Variants in UCHL3 observed in about 807,000 individuals in gnomAD.
UCHL3 encodes the protein ubiquitin C-terminal hydrolase L3.
Under a neutral mutation model 35.8 loss-of-function variants are expected in UCHL3, and 22 were observed. The observed-to-expected ratio is 0.61, with a 90% confidence interval of 0.44 to 0.88. The LOEUF (loss-of-function observed/expected upper bound fraction) is 0.88, where lower values mean the gene tolerates loss of function less well. Ranked by LOEUF, UCHL3 falls within the 40% of genes least tolerant of loss-of-function variation. The pLI is 0.00. For synonymous variants in UCHL3, 90 were observed against 92.8 expected (o/e 0.97, Z 0.17); for missense variants, 229 against 276.9 (o/e 0.83, Z 1.23).
At chr13:75,562,585 C>G (rs1319519064) in intron 3 of UCHL3, among the ~76,000 whole-genome samples, 1 of 151,776 alleles carries the variant, frequency 6.6e-6, no homozygotes, top group African/African-American at 2.4e-5. Flanking sequence ...TGAGGTGATA[C>G]AAATAGGAGT....
chr13:75,564,317 A>G (rs1180162283), intron 3 of UCHL3, among the ~76,000 whole-genome samples: 1 of 151,614 alleles, frequency 6.6e-6, no homozygotes, highest in African/African-American at 2.4e-5. Context: ...CGCCCGGCTT[A>G]TTTTTTGTAT....
At chr13:75,566,552 G>A (rs1427494243) in intron 3 of UCHL3, 143 bp from the exon 4 acceptor site, 1 of 566,578 alleles carries the variant, frequency 1.8e-6, no homozygotes, top group Admixed American at 3.9e-5. Context: ...TTGTCAGTCT[G>A]GTAGGTGATA....
At chr13:75,561,855 G>A (rs1166938884) in intron 3 of UCHL3, among the ~76,000 whole-genome samples, 1 of 58,730 alleles carries the variant, frequency 1.7e-5, no homozygotes, top group Non-Finnish European at 4.9e-5. Flanking sequence ...GTATACATAC[G>A]TATACATATA....
At chr13:75,604,087 G>A (rs2032860443) in intron 7 of UCHL3, among the ~76,000 whole-genome samples, 2 of 152,074 alleles carry the variant, frequency 1.3e-5, no homozygotes. Context: ...AGAAGGGGCT[G>A]TGTTTTATGG....
At chr13:75,588,633 A>G (rs184678787) in intron 6 of UCHL3, among the ~76,000 whole-genome samples, 2 of 152,296 alleles carry the variant, frequency 1.3e-5, no homozygotes, top group East Asian at 3.9e-4. Context: ...AAAGGTTAGT[A>G]TATTGTATAT....
chr13:75,555,594 C>CTTAAAG (rs2031268904), intron 2 of UCHL3, among the ~76,000 whole-genome samples: 1 of 144,844 alleles, frequency 6.9e-6, no homozygotes, highest in South Asian at 2.3e-4. Flanking sequence ...CATTCTATCT[C>CTTAAAG]TTAAAGTGGT....
intron 6 of UCHL3, among the ~76,000 whole-genome samples, chr13:75,583,448 G>A (rs2032240478): frequency 6.6e-6 from 1 of 152,000 alleles, no homozygotes; most frequent in Admixed American, 6.6e-5. Context: ...TAACATTTGG[G>A]GAAAATTATT....
At chr13:75,565,807 T>C (rs2031664905) in intron 3 of UCHL3, among the ~76,000 whole-genome samples, 1 of 152,204 alleles carries the variant, frequency 6.6e-6, no homozygotes, top group Non-Finnish European at 1.5e-5. Context: ...TTTAACCTTT[T>C]TGCTATTTTT....
chr13:75,583,671 C>T (rs139675725), intron 6 of UCHL3, among the ~76,000 whole-genome samples: 144 of 152,054 alleles, frequency 9.5e-4, no homozygotes, highest in Non-Finnish European at 1.8e-3. Context: ...TTCACTAAAG[C>T]GTAATTGTAG....
intron 2 of UCHL3, among the ~76,000 whole-genome samples, chr13:75,551,063 C>A (rs1365297774): frequency 1.3e-5 from 2 of 152,204 alleles, no homozygotes; most frequent in South Asian, 2.1e-4. Flanking sequence ...GTTGACTTTT[C>A]GCAAATGATT....
At chr13:75,599,323 GA>G (rs1272347532) in intron 7 of UCHL3, among the ~76,000 whole-genome samples, 2 of 152,012 alleles carry the variant, frequency 1.3e-5, no homozygotes, top group Non-Finnish European at 2.9e-5. Context: ...CATAGCATTT[GA>G]AAATATGGCA....
chr13:75,574,886 A>T (rs763335297), intron 6 of UCHL3, among the ~76,000 whole-genome samples: 3 of 152,182 alleles, frequency 2.0e-5, no homozygotes, highest in Non-Finnish European at 4.4e-5. Context: ...CAGGCGAGAT[A>T]TCTGGAGTCT....
chr13:75,592,446 A>ATGTATATATG (rs1555276763), intron 6 of UCHL3, among the ~76,000 whole-genome samples: 13 of 71,082 alleles, frequency 1.8e-4, no homozygotes, highest in East Asian at 4.3e-4. Flanking sequence ...ATATATATAT[A>ATGTATATATG]TATATATATA....
At chr13:75,554,054 T>G (rs538026340) in intron 2 of UCHL3, among the ~76,000 whole-genome samples, 1 of 152,270 alleles carries the variant, frequency 6.6e-6, no homozygotes, top group African/African-American at 2.4e-5. Flanking sequence ...CTTAATTTCT[T>G]TCTTTCTTTT....
At chr13:75,592,446 A>ACG (rs1555276762) in intron 6 of UCHL3, among the ~76,000 whole-genome samples, 1 of 71,070 alleles carries the variant, frequency 1.4e-5, no homozygotes, top group African/African-American at 4.1e-5. Context: ...ATATATATAT[A>ACG]TATATATATA....
intron 6 of UCHL3, among the ~76,000 whole-genome samples, chr13:75,592,394 G>A (rs534882542): frequency 1.5e-4 from 10 of 67,560 alleles, no homozygotes; most frequent in African/African-American, 5.0e-4. Context: ...TGGATGTAAA[G>A]TGGAATTTTA....
Position 75,567,259 on chromosome 13 carries a change from G to A in UCHL3, c.373G>A (p.Glu125Lys), listed in dbSNP as rs527890812. ...ATCAACCTTGAAAAAATTCCTGGAG[G>A]AATCTGTGTCAATGAGCCCTGAAGA... The part of the protein sequence containing the change: ...SGSTLKKFLE[E>K]SVSMSPEERA... The change falls in exon 5 of 9, where the codon GAA becomes AAA. Residue 125 changes from glutamate to lysine, a missense_variant. Transcript: ENST00000377595. The A allele has an allele frequency of 6.2e-7, 1 of 1,614,026 alleles. No homozygotes were observed. The highest frequency in any genetic ancestry group is 1.7e-5 in the Admixed American group (1 of 60,020).
rs1395900658 is a variant in UCHL3 at position 75,605,767 on chromosome 13, C to T, written c.648C>T (p.Asp216=). 2 of 1,613,762 alleles carry T rather than the reference C, an allele frequency of 1.2e-6. No homozygotes were observed. Among genetic ancestry groups the T allele is most frequent in the African/African-American group, 1.3e-5 (1 of 74,846 alleles). ...IEVCKKFMER[D]PDELRFNAIA... ...TTTGCAAGAAGTTTATGGAGCGCGA[C>T]CCTGATGAACTAAGATTTAATGCGA... The change falls in exon 9 of 9, where the codon GAC becomes GAT. Residue 216 remains aspartate (D), a synonymous_variant. Coordinates refer to ENST00000377595, the MANE Select transcript of UCHL3 (RefSeq NM_006002.5).
rs2032436343 is a variant in UCHL3 at position 75,590,022 on chromosome 13, TG to T, written c.475-4890del. Reference sequence around the variant, plus strand: ...ATTGTGTCACCATGCATCCCTGCCCTGGGTCAAACGTAACCATGTAGGCCCT... The same window carrying T: ...ATTGTGTCACCATGCATCCCTGCCCTGGTCAAACGTAACCATGTAGGCCCT... On this transcript the variant is annotated intron_variant, in intron 6 of 8. Transcript: ENST00000377595. The T allele has an allele frequency of 3.8e-6, 5 of 1,304,792 alleles. No homozygotes were observed. The East Asian group carries it at 2.8e-4, about 72-fold the overall frequency. The allele number at this position is 1,304,792 out of a possible 1,614,324, so 80.8% of individuals were successfully genotyped here. A position where few individuals can be genotyped will look rare whatever the true frequency, so the allele number is the denominator to read the frequency against.
Sources: gnomAD v4.1 joint callset for allele counts (sites outside exome capture counted in the v4.1 genomes callset) on GRCh38, gnomAD v4.1.1 for gene constraint, MANE v1.5 for transcripts, NCBI Gene and HGNC (gene_info 2026-07-23, HGNC 2026-07-21) for gene names.